The following DACT3 variants were observed in gnomAD, a reference collection of about 807,000 sequenced individuals.
DACT3 encodes dishevelled binding antagonist of beta catenin 3.
DACT3 carries 5 observed loss-of-function variants against 19.6 expected under a neutral mutation model. The observed-to-expected ratio is 0.26, with a 90% CI of 0.13 to 0.54. The LOEUF is 0.54. Among genes scored for constraint, DACT3 ranks in the 20% least tolerant of loss-of-function variants. The pLI is 0.95. For missense variants in DACT3, 908 were observed against 927.4 expected (o/e 0.98, Z 0.27); for synonymous variants, 454 against 428.1 (o/e 1.06, Z -0.75).
At chr19:46,659,380 G>C (rs527536234) in intron 1 of DACT3, 53 of 967,184 alleles carry the variant, frequency 5.5e-5, no homozygotes, top group Middle Eastern at 5.3e-4. Context: ...GGGAGAGACC[G>C]AGGGCAGAGG....
chr19:46,654,167 T>C (rs1369463864), intron 1 of DACT3: 2 of 985,196 alleles, frequency 2.0e-6, no homozygotes, highest in African/African-American at 1.7e-5. Flanking sequence ...CCAGTGAGTC[T>C]ACCTTTCCTC....
At chr19:46,654,575 G>A (rs189470496) in intron 1 of DACT3, 2 of 985,414 alleles carry the variant, frequency 2.0e-6, no homozygotes, top group African/African-American at 1.7e-5. Flanking sequence ...TCACGGATGG[G>A]GTCTCCAAGA....
chr19:46,653,099 T>C, intron 1 of DACT3, 24 bp from the exon 2 acceptor site: 1 of 1,550,058 alleles, frequency 6.5e-7, no homozygotes, highest in Non-Finnish European at 8.7e-7. Flanking sequence ...GAGAGAAGGA[T>C]GGTCAGAAGG....
chr19:46,649,686 G>T lies in DACT3; in HGVS notation c.686C>A (p.Pro229Gln). ...SPLHAVAMRS[P>Q]RPCGRPPTDS... The stretch of plus-strand genomic sequence containing the variant: ...GGTGGGAGGGCGGCCGCAGGGCCGC[G>T]GGCTGCGCATCGCCACGGCGTGCAG... The change falls in exon 4 of 4, where the codon CCG becomes CAG. Residue 229 changes from proline to glutamine, a missense_variant. This residue lies in a region of DACT3 where 656 missense variants were observed against 601.8 expected (regional missense o/e 1.09). Coordinates refer to ENST00000391916, the MANE Select transcript of DACT3 (RefSeq NM_145056.3). The T allele has an allele frequency of 8.4e-7, 1 of 1,187,154 alleles. No homozygotes were observed. The highest frequency in any genetic ancestry group is 3.7e-5 in the East Asian group (1 of 27,050). 73.5% of individuals were successfully genotyped at this position (1,187,154 alleles called of 1,614,324 possible).
intron 1 of DACT3, among the ~76,000 whole-genome samples, chr19:46,656,009 CA>C (rs1179030224): frequency 6.7e-6 from 1 of 149,694 alleles, no homozygotes; most frequent in Non-Finnish European, 1.5e-5. Flanking sequence ...TATATACACA[CA>C]TGTATATACA....
At position 46,649,779 on chromosome 19, in the gene DACT3, G is replaced by C; in HGVS notation, c.593C>G (p.Ala198Gly). ...SAPYPTAGGS[A>G]GPEACSSAER... is the part of the protein sequence containing the mutation. Reference sequence around the variant, plus strand: ...CGCCGAGGAGCAGGCCTCCGGGCCGGCGGACCCCCCTGCCGTCGGGTAGGG... The same window carrying C: ...CGCCGAGGAGCAGGCCTCCGGGCCGCCGGACCCCCCTGCCGTCGGGTAGGG... Residue 198 changes from alanine to glycine, a missense_variant, in exon 4 of 4, where the codon GCC becomes GGC. This residue lies in a region of DACT3 where 252 missense variants were observed against 325.6 expected (regional missense o/e 0.77). Coordinates refer to ENST00000391916, the MANE Select transcript of DACT3 (RefSeq NM_145056.3). 7.5e-7 allele frequency: 1 copy of C among 1,334,010 alleles called. No homozygotes were observed. The highest frequency in any genetic ancestry group is 9.6e-7 in the Non-Finnish European group (1 of 1,046,472). The allele number at this position is 1,334,010 out of a possible 1,614,324, so 82.6% of individuals were successfully genotyped here.
Position 46,648,571 on chromosome 19 carries a change from C to T in DACT3, c.1801G>A (p.Val601Ile). ...GAGAPAGPAK[V>I]FVKIKASHAL... ...TGGGAAGCTTTGATTTTCACGAAGACTTTGGCGGGGCCTGCGGGCGCCCCT... is the reference window on the plus strand; with the variant it reads ...TGGGAAGCTTTGATTTTCACGAAGATTTTGGCGGGGCCTGCGGGCGCCCCT... Residue 601 changes from valine to isoleucine, a missense_variant, in exon 4 of 4, where the codon GTC becomes ATC. Val to Ile is a conservative substitution (Grantham distance 29, BLOSUM62 3). Around this residue, in one of 2 missense-constraint regions of DACT3, gnomAD observed 656 missense variants for 601.8 expected, o/e 1.09. Transcript: ENST00000391916. This position sits in a 1 kb window ranked among gnomAD's most constrained non-coding sequence, Gnocchi z 5.1. 4 of 1,613,868 alleles carry T rather than the reference C, an allele frequency of 2.5e-6. No individual in the cohort carries two copies. The highest frequency in any genetic ancestry group is 2.5e-6 in the Non-Finnish European group (3 of 1,179,838).
At chr19:46,658,472 AT>A (rs1227157832) in intron 1 of DACT3, among the ~76,000 whole-genome samples, 1 of 152,236 alleles carries the variant, frequency 6.6e-6, no homozygotes, top group East Asian at 1.9e-4. Context: ...GCCAAGTCTA[AT>A]TCCGGTTCTT....
chr19:46,651,802 C>A, intron 3 of DACT3: 1 of 152,016 alleles, frequency 6.6e-6, no homozygotes, highest in South Asian at 2.1e-4. Flanking sequence ...CAGGTTCAAG[C>A]AATCCTCCTG....
rs528759694 is a variant in DACT3, at chr19:46,656,599, C to T, written c.250-3524G>A. 2.0e-5 allele frequency among the ~76,000 whole-genome samples: 3 copies of T among 152,304 alleles called. No homozygotes were observed. The East Asian group carries it at 5.8e-4, about 29-fold the overall frequency. On this transcript the variant is annotated intron_variant, in intron 1 of 3. Coordinates refer to ENST00000391916, the MANE Select transcript of DACT3 (RefSeq NM_145056.3). ...TCCTGGGCTTGAGCAGTCCTCCCGC[C>T]TCGGTCTCTTAAAGTGCTGGGATTG... is the stretch of plus-strand genomic sequence containing the variant.
Position 46,649,454 on chromosome 19 carries a change from C to G in DACT3, c.918G>C (p.Ser306=), listed in dbSNP as rs2052956860. ...TGGGGTGGCCCCCGACGCGCTCCAACGAGGGCTCCCGCGCGGGTCGCGCGC... is the reference window on the plus strand; with the variant it reads ...TGGGGTGGCCCCCGACGCGCTCCAAGGAGGGCTCCCGCGCGGGTCGCGCGC... ...PGSARPAREP[S]LERVGGHPTS... Residue 306 remains serine (S), a synonymous_variant, in exon 4 of 4, where the codon TCG becomes TCC. Transcript: ENST00000391916. 1.7e-6 allele frequency: 2 copies of G among 1,204,004 alleles called. No individual in the cohort carries two copies. Among genetic ancestry groups the G allele is most frequent in the Non-Finnish European group, 2.1e-6 (2 of 965,912 alleles). The allele number at this position is 1,204,004 out of a possible 1,614,324, so 74.6% of individuals were successfully genotyped here.
At chr19:46,656,598 C>T (rs191063717) in intron 1 of DACT3, among the ~76,000 whole-genome samples, 71 of 152,294 alleles carry the variant, frequency 4.7e-4, no homozygotes, top group African/African-American at 1.5e-3. Context: ...AGTCCTCCCG[C>T]CTCGGTCTCT....
chr19:46,657,325 T>C (rs1380133016), intron 1 of DACT3, among the ~76,000 whole-genome samples: 1 of 151,608 alleles, frequency 6.6e-6, no homozygotes, highest in African/African-American at 2.4e-5. Context: ...CTGGAGGTTA[T>C]TGTGAGGATT....
chr19:46,653,446 G>C (rs2053005517), intron 1 of DACT3, among the ~76,000 whole-genome samples: 1 of 152,016 alleles, frequency 6.6e-6, no homozygotes, highest in South Asian at 2.1e-4. Context: ...CAGGATTGCT[G>C]TAAGGACAGT....
intron 1 of DACT3, chr19:46,654,120 C>A (rs985558373): frequency 1.0e-6 from 1 of 985,382 alleles, no homozygotes; most frequent in Non-Finnish European, 1.2e-6. Flanking sequence ...GAGACCACAT[C>A]CTCCTTCTGC....
In DACT3 at chr19:46,661,164, G is replaced by A. The variant is rs1599795785; in HGVS notation, c.-100C>T. The A allele has an allele frequency of 6.4e-6, 8 of 1,246,866 alleles. No homozygotes were observed. In the East Asian group the frequency reaches 2.6e-4, roughly 40 times the overall value. 77.2% of individuals were successfully genotyped at this position (1,246,866 alleles called of 1,614,324 possible). On this transcript the variant is annotated 5_prime_UTR_variant, in exon 1 of 4. Coordinates refer to ENST00000391916, the MANE Select transcript of DACT3 (RefSeq NM_145056.3). Reference sequence around the variant, plus strand: ...AGCCTGCCCGCCCGCCCGCTGGCCGGGCTGTCACCGTCTCATCTGCATAGG... The same window carrying A: ...AGCCTGCCCGCCCGCCCGCTGGCCGAGCTGTCACCGTCTCATCTGCATAGG...
chr19:46,657,937 A>G (rs916279896), intron 1 of DACT3, among the ~76,000 whole-genome samples: 1 of 151,954 alleles, frequency 6.6e-6, no homozygotes, highest in Non-Finnish European at 1.5e-5. Context: ...CTGTAATTCC[A>G]GCTACTCGGG....
chr19:46,649,357 G>A lies in DACT3; in HGVS notation c.1015C>T (p.Pro339Ser). 7 of 1,255,444 alleles carry A rather than the reference G, an allele frequency of 5.6e-6. No homozygotes were observed. The highest frequency in any genetic ancestry group is 2.2e-5 in the South Asian group (1 of 46,194). The allele number at this position is 1,255,444 out of a possible 1,614,324, so 77.8% of individuals were successfully genotyped here. A position where few individuals can be genotyped will look rare whatever the true frequency, so the allele number is the denominator to read the frequency against. The change falls in exon 4 of 4, where the codon CCG (proline) becomes TCG (serine). Residue 339 changes from proline to serine, a missense_variant. By Grantham distance (74) the Pro-to-Ser change is moderately conservative. Transcript: ENST00000391916. Reference sequence around the variant, plus strand: ...TCGGGGGGTGAGGGGGCGGCGGGCGGCGCAGCGGGCTCGGGTGCCGCCTCC... The same window carrying A: ...TCGGGGGGTGAGGGGGCGGCGGGCGACGCAGCGGGCTCGGGTGCCGCCTCC... Reference protein sequence around the residue: ...ESEAAPEPAAPPAAPSPPDSP... With the variant: ...ESEAAPEPAASPAAPSPPDSP...
rs1195427315 is a variant in DACT3 at position 46,649,572 on chromosome 19, T to G, written c.800A>C (p.Gln267Pro). The change falls in exon 4 of 4, where the codon CAG becomes CCG. Residue 267 changes from glutamine (Q) to proline (P), a missense_variant. By Grantham distance (76) the Gln-to-Pro change is moderately conservative. Coordinates refer to ENST00000391916, the MANE Select transcript of DACT3 (RefSeq NM_145056.3). ...CGCGCCCCCGGGACTGGTCCGGGGC[T>G]GGCCCGCCCCCCGGCGGCGGCGCCT... ...LRRRRRRGAG[Q>P]PRTSPGGADG... 8 of 1,081,162 alleles carry G rather than the reference T, an allele frequency of 7.4e-6. No homozygotes were observed. The African/African-American group carries it at 1.4e-4, about 19-fold the overall frequency. The allele number at this position is 1,081,162 out of a possible 1,614,324, so 67.0% of individuals were successfully genotyped here.
Sources: gnomAD v4.1 joint callset for allele counts (sites outside exome capture counted in the v4.1 genomes callset) on GRCh38, gnomAD v4.1.1 for gene constraint, gnomAD v4.1.1 regional missense constraint, Gnocchi (gnomAD v3.1) non-coding constraint, MANE v1.5 for transcripts, NCBI Gene and HGNC (gene_info 2026-07-23, HGNC 2026-07-21) for gene names.